Variants in FOXP1 observed in about 807,000 individuals in gnomAD.
The protein encoded by FOXP1 is forkhead box P1, also known as forkhead box protein P1.
FOXP1 carries 15 observed loss-of-function variants against 98.2 expected under a neutral mutation model. The ratio of observed to expected loss-of-function variants is 0.15; its 90% CI spans 0.10 to 0.24. FOXP1 has a LOEUF of 0.24. FOXP1 is among the 10% of genes least tolerant of loss of function. FOXP1 has a pLI of 1.00. For missense variants in FOXP1, 633 were observed against 848.5 expected, an observed-to-expected ratio of 0.75 and a Z score of 3.15; for synonymous variants, 371 against 314.5, an observed-to-expected ratio of 1.18 and a Z score of -1.90.
chr3:71,130,695 G>A, intron 6 of FOXP1: 1 of 1,563,026 alleles, frequency 6.4e-7, no homozygotes, highest in Middle Eastern at 1.8e-4. Context: ...GCCCTTTGTA[G>A]GCAACCTCAG....
intron 18 of FOXP1, chr3:70,971,860 A>C (rs1338328907): frequency 2.0e-6 from 1 of 491,346 alleles, no homozygotes; most frequent in African/African-American, 2.0e-5. Flanking sequence ...GAGAAACGAG[A>C]GCAATACATG....
At position 71,561,435 on chromosome 3, in the gene FOXP1, G is replaced by T. The variant is rs9813736; in HGVS notation, c.-298+20114C>A. Among the ~76,000 whole-genome samples the T allele has an allele frequency of 8.2e-3, 1,205 of 147,382 alleles. 18 individuals carry two copies. The highest frequency in any genetic ancestry group is 0.027 in the African/African-American group (1,097 of 40,048). On this transcript the variant is annotated intron_variant, in intron 2 of 20. Coordinates refer to ENST00000649528, the MANE Select transcript of FOXP1 (RefSeq NM_001349338.3). ...AAAAAAAAAAAAAAAAAGCCAGCTG[G>T]ACCAGACTATGGCCAAGGTCCCTAG...
At chr3:71,372,387 G>A (rs1358475206) in intron 3 of FOXP1, among the ~76,000 whole-genome samples, 4 of 152,112 alleles carry the variant, frequency 2.6e-5, no homozygotes, top group Non-Finnish European at 4.4e-5. Flanking sequence ...TGGCTAGACA[G>A]GCTTTCCCAA....
At chr3:71,057,840 C>T (rs1229796202) in intron 7 of FOXP1, among the ~76,000 whole-genome samples, 1 of 152,104 alleles carries the variant, frequency 6.6e-6, no homozygotes, top group Admixed American at 6.6e-5. Flanking sequence ...GTGCTTGGGC[C>T]ATCACAGCTC....
rs186251910 is a variant in FOXP1 at position 71,568,740 on chromosome 3, C to G, written c.-298+12809G>C. ...CAGCTCACTGCAACCTCTGCCTCCC[C>G]GGTTCAAGCAATTCTCCTGCCTCAG... On this transcript the variant is annotated intron_variant, in intron 2 of 20. Coordinates refer to ENST00000649528, the MANE Select transcript of FOXP1 (RefSeq NM_001349338.3). 1.3e-4 allele frequency among the ~76,000 whole-genome samples: 19 copies of G among 151,912 alleles called. No individual in the cohort carries two copies. The East Asian group carries it at 3.7e-3, about 29-fold the overall frequency.
chr3:71,188,849 C>G (rs2062806269), intron 6 of FOXP1, among the ~76,000 whole-genome samples: 2 of 152,060 alleles, frequency 1.3e-5, no homozygotes, highest in Non-Finnish European at 2.9e-5. Context: ...ATTTTTGGTA[C>G]AGTCAAAAAG....
intron 3 of FOXP1, among the ~76,000 whole-genome samples, chr3:71,396,524 C>T (rs2081383255): frequency 6.6e-6 from 1 of 151,924 alleles, no homozygotes; most frequent in Admixed American, 6.6e-5. Flanking sequence ...CAGGCTTGTC[C>T]CGTGGGAACA....
chr3:71,193,155 GT>G (rs372354119), intron 6 of FOXP1, among the ~76,000 whole-genome samples: 17 of 142,864 alleles, frequency 1.2e-4, no homozygotes, highest in East Asian at 1.0e-3. Flanking sequence ...GTTTATTTGT[GT>G]TTTTTTTTTG....
At chr3:71,214,086 T>C (rs749745777) in intron 5 of FOXP1, among the ~76,000 whole-genome samples, 10 of 132,310 alleles carry the variant, frequency 7.6e-5, no homozygotes, top group African/African-American at 1.0e-4. Flanking sequence ...TGATAAAGCG[T>C]ACTTAGGTGG....
At chr3:71,232,419 C>T (rs544846802) in intron 5 of FOXP1, among the ~76,000 whole-genome samples, 7 of 152,274 alleles carry the variant, frequency 4.6e-5, no homozygotes, top group Non-Finnish European at 2.9e-5. Flanking sequence ...AATAGTTATT[C>T]TACCCATCTG....
chr3:71,180,139 G>GGAAGATTTTCT (rs1279045412), intron 6 of FOXP1, among the ~76,000 whole-genome samples: 35 of 151,944 alleles, frequency 2.3e-4, no homozygotes, highest in African/African-American at 8.0e-4. Context: ...CTCAGAAATC[G>GGAAGATTTTCT]GAAGACCTTC....
chr3:71,018,954 G>C (rs1263035208), intron 11 of FOXP1, among the ~76,000 whole-genome samples: 1 of 152,192 alleles, frequency 6.6e-6, no homozygotes, highest in Non-Finnish European at 1.5e-5. Context: ...AGTCTGCTGA[G>C]TGCTCTAACA....
intron 6 of FOXP1, among the ~76,000 whole-genome samples, chr3:71,126,286 C>G (rs924076315): frequency 9.3e-5 from 14 of 149,986 alleles, no homozygotes; most frequent in African/African-American, 3.2e-4. Flanking sequence ...AGATCGAGAC[C>G]ATACTGGCTA....
At chr3:71,090,678 A>G (rs1200343882) in intron 7 of FOXP1, among the ~76,000 whole-genome samples, 2 of 152,222 alleles carry the variant, frequency 1.3e-5, no homozygotes, top group African/African-American at 4.8e-5. Flanking sequence ...GGAGGGGGTC[A>G]GAGTGGGGAA....
chr3:71,037,533 G>T (rs1384609529), intron 11 of FOXP1, among the ~76,000 whole-genome samples: 1 of 152,102 alleles, frequency 6.6e-6, no homozygotes, highest in Non-Finnish European at 1.5e-5. Context: ...GGAATAAAAT[G>T]ACAGCAAGAG....
chr3:71,200,347 A>C (rs1257745159), intron 5 of FOXP1, among the ~76,000 whole-genome samples: 1 of 152,168 alleles, frequency 6.6e-6, no homozygotes, highest in Non-Finnish European at 1.5e-5. Flanking sequence ...GCTGCTGATG[A>C]TTGTTACCCC....
At chr3:71,088,786 T>C (rs950171938) in intron 7 of FOXP1, among the ~76,000 whole-genome samples, 1 of 152,214 alleles carries the variant, frequency 6.6e-6, no homozygotes, top group Admixed American at 6.5e-5. Flanking sequence ...CAACTTCCCA[T>C]TGTTTAGGGG....
chr3:71,360,191 T>C (rs1343874961), intron 3 of FOXP1, among the ~76,000 whole-genome samples: 2 of 152,230 alleles, frequency 1.3e-5, no homozygotes, highest in African/African-American at 4.8e-5. Context: ...ATGATAATTT[T>C]GCCATGAGTT....
chr3:71,376,255 A>G (rs1172444557), intron 3 of FOXP1, among the ~76,000 whole-genome samples: 1 of 152,126 alleles, frequency 6.6e-6, no homozygotes, highest in Non-Finnish European at 1.5e-5. Context: ...CAAGCAAAGT[A>G]AGGCCCAGAA....
Sources: allele counts gnomAD v4.1 joint callset (sites outside exome capture counted in the v4.1 genomes callset), GRCh38; gene constraint gnomAD v4.1.1; transcripts MANE v1.5; gene names NCBI Gene and HGNC (gene_info 2026-07-23, HGNC 2026-07-21).